NCK2: variants seen among roughly 807,000 people sequenced by gnomAD.
NCK2 encodes cytoplasmic protein NCK2.
Under a neutral mutation model 33.9 loss-of-function variants are expected in NCK2, and 16 were observed. The observed-to-expected ratio is 0.47, with a 90% CI of 0.32 to 0.72. NCK2 has a LOEUF of 0.72. Ranked by LOEUF, NCK2 falls within the 30% of genes least tolerant of loss-of-function variation. The probability of loss-of-function intolerance (pLI) is 0.03; values close to 1 mark genes in which losing one functional copy is unlikely to be tolerated. For synonymous variants in NCK2, 273 were observed against 239.9 expected, an observed-to-expected ratio of 1.14 and a Z score of -1.27; for missense variants, 418 against 537.3, an observed-to-expected ratio of 0.78 and a Z score of 2.19.
chr2:105,842,481 C>T (rs919519786), intron 2 of NCK2, among the ~76,000 whole-genome samples: 1 of 151,872 alleles, frequency 6.6e-6, no homozygotes, highest in Admixed American at 6.6e-5. Flanking sequence ...AAAATATATA[C>T]ATTAAAAAAA....
At chr2:105,827,122 C>T (rs1188255939) in intron 2 of NCK2, among the ~76,000 whole-genome samples, 1 of 152,042 alleles carries the variant, frequency 6.6e-6, no homozygotes, top group African/African-American at 2.4e-5. Flanking sequence ...GCCTCAGCCT[C>T]CTGAGTAGCT....
At chr2:105,872,837 C>A (rs575857465) in intron 3 of NCK2, among the ~76,000 whole-genome samples, 3 of 152,200 alleles carry the variant, frequency 2.0e-5, no homozygotes, top group African/African-American at 7.2e-5. Context: ...AGAAATGATT[C>A]GGAGAAATCT....
intron 3 of NCK2, among the ~76,000 whole-genome samples, chr2:105,857,588 A>G (rs1677331047): frequency 6.6e-6 from 1 of 152,348 alleles, no homozygotes; most frequent in East Asian, 1.9e-4. Flanking sequence ...TCAGGCAAGC[A>G]GTTCTTGGGA....
intron 2 of NCK2, among the ~76,000 whole-genome samples, chr2:105,835,812 A>G (rs1335824871): frequency 6.6e-6 from 1 of 151,802 alleles, no homozygotes; most frequent in African/African-American, 2.4e-5. Context: ...GGCTTTCTTC[A>G]TTCTTTTTTA....
chr2:105,870,058 G>C (rs1171193565), intron 3 of NCK2, among the ~76,000 whole-genome samples: 2 of 152,148 alleles, frequency 1.3e-5, no homozygotes, highest in Admixed American at 6.5e-5. Context: ...TGGGTCCTTT[G>C]CCCCAACACC....
chr2:105,849,604 G>A (rs1676984749), intron 2 of NCK2, among the ~76,000 whole-genome samples: 1 of 152,154 alleles, frequency 6.6e-6, no homozygotes, highest in African/African-American at 2.4e-5. Context: ...GTGACCAGGT[G>A]GTCTCTGGTG....
intron 1 of NCK2, among the ~76,000 whole-genome samples, chr2:105,771,969 C>T (rs1452340224): frequency 2.0e-5 from 3 of 152,192 alleles, no homozygotes; most frequent in African/African-American, 7.2e-5. Context: ...CTCCCAGACA[C>T]CCTTCAAAAT....
At chr2:105,882,922 G>T (rs1003886207) in intron 4 of NCK2, among the ~76,000 whole-genome samples, 2 of 152,168 alleles carry the variant, frequency 1.3e-5, no homozygotes, top group African/African-American at 4.8e-5. Flanking sequence ...TATAAGACTA[G>T]TAAGTATGTA....
chr2:105,827,697 T>C (rs116044467), intron 2 of NCK2, among the ~76,000 whole-genome samples: 2,643 of 152,334 alleles, frequency 0.017, 39 homozygotes, highest in Non-Finnish European at 0.021. Context: ...TGCTTTAAAA[T>C]GAGTCTCAAA....
At chr2:105,863,826 G>T (rs72937734) in intron 3 of NCK2, among the ~76,000 whole-genome samples, 4,235 of 152,238 alleles carry the variant, frequency 0.028, 201 homozygotes, top group African/African-American at 0.096. Flanking sequence ...ATCATTGAGT[G>T]ACTTTGAACA....
chr2:105,771,197 C>T (rs1351727505), intron 1 of NCK2, among the ~76,000 whole-genome samples: 1 of 151,920 alleles, frequency 6.6e-6, no homozygotes, highest in Admixed American at 6.5e-5. Flanking sequence ...GCTGGGATTA[C>T]AGGCGTGAGC....
At chr2:105,771,855 G>T (rs1309686634) in intron 1 of NCK2, among the ~76,000 whole-genome samples, 1 of 152,158 alleles carries the variant, frequency 6.6e-6, no homozygotes, top group African/African-American at 2.4e-5. Flanking sequence ...TGTGAGGCCT[G>T]CCCATCACTC....
intron 3 of NCK2, among the ~76,000 whole-genome samples, chr2:105,860,152 G>A (rs1413162334): frequency 1.3e-5 from 2 of 152,088 alleles, no homozygotes; most frequent in Non-Finnish European, 2.9e-5. Context: ...AGAGCATGGT[G>A]TCATGTGCCT....
intron 2 of NCK2, among the ~76,000 whole-genome samples, chr2:105,818,080 A>G (rs1675565077): frequency 6.6e-6 from 1 of 152,078 alleles, no homozygotes; most frequent in Admixed American, 6.5e-5. Flanking sequence ...CATATACACC[A>G]TGAAATACTA....
At chr2:105,858,134 G>A (rs1283783611) in intron 3 of NCK2, among the ~76,000 whole-genome samples, 2 of 150,976 alleles carry the variant, frequency 1.3e-5, no homozygotes, top group African/African-American at 4.9e-5. Context: ...TAATTAAACA[G>A]GTATACCATC....
chr2:105,841,313 C>A (rs1295340304), intron 2 of NCK2, among the ~76,000 whole-genome samples: 1 of 152,086 alleles, frequency 6.6e-6, no homozygotes, highest in East Asian at 1.9e-4. Context: ...ATGTTTTTTC[C>A]CTCGAAAAGC....
intron 1 of NCK2, among the ~76,000 whole-genome samples, chr2:105,762,336 G>C (rs912575168): frequency 6.6e-6 from 1 of 152,192 alleles, no homozygotes; most frequent in Non-Finnish European, 1.5e-5. Context: ...CCTGCTGTCA[G>C]ACTGCCTCCT....
At chr2:105,805,550 G>T (rs147983062) in intron 1 of NCK2, among the ~76,000 whole-genome samples, 182 of 151,336 alleles carry the variant, frequency 1.2e-3, no homozygotes, top group African/African-American at 4.3e-3. Context: ...TAAATTTCCC[G>T]AACTTACTCA....
chr2:105,868,668 T>C (rs1677856565), intron 3 of NCK2, among the ~76,000 whole-genome samples: 1 of 152,252 alleles, frequency 6.6e-6, no homozygotes, highest in South Asian at 2.1e-4. Flanking sequence ...GGTTGTGTGG[T>C]GTCCAAGAGG....
Sources: gnomAD v4.1 joint callset for allele counts (sites outside exome capture counted in the v4.1 genomes callset) on GRCh38, gnomAD v4.1.1 for gene constraint, MANE v1.5 for transcripts, NCBI Gene and HGNC (gene_info 2026-07-23, HGNC 2026-07-21) for gene names.